IQCH: variants seen among roughly 807,000 people sequenced by gnomAD.
IQCH encodes IQ motif containing H.
In IQCH, 98 loss-of-function variants were observed where a neutral mutation model predicts 117.0. That is an observed-to-expected ratio of 0.84 (90% CI 0.71 to 0.99). The LOEUF is 0.99. Among genes scored for constraint, IQCH ranks in the 50% least tolerant of loss-of-function variants. The pLI is 0.00. For missense variants in IQCH, 1,102 were observed against 1,243.8 expected (o/e 0.89, Z 1.72); for synonymous variants, 412 against 448.2 (o/e 0.92, Z 1.02).
Position 67,386,467 on chromosome 15 carries a change from C to G in IQCH, c.1456+1448C>G, listed in dbSNP as rs997008473. Among the ~76,000 whole-genome samples the G allele has an allele frequency of 6.6e-6, 1 of 151,838 alleles. No individual in the cohort carries two copies. The highest frequency in any genetic ancestry group is 2.4e-5 in the African/African-American group (1 of 41,310). ...TAGCAAGGCAATCATAAAAAGTCTT[C>G]AAGAGGAGTAATGAAAGTTTAGAAA... On this transcript the variant is annotated intron_variant, in intron 11 of 20. Coordinates refer to ENST00000335894, the MANE Select transcript of IQCH (RefSeq NM_001031715.3). The surrounding 1 kb of genome is among the most constrained non-coding windows in gnomAD (Gnocchi z 5.0).
At chr15:67,410,405 C>G (rs2081420042) in intron 14 of IQCH, among the ~76,000 whole-genome samples, 1 of 152,226 alleles carries the variant, frequency 6.6e-6, no homozygotes, top group Non-Finnish European at 1.5e-5. Context: ...CATTCTAAGG[C>G]TGGCCATCCT....
In IQCH at chr15:67,346,115, A is replaced by G. The variant is rs116731160; in HGVS notation, c.637+1924A>G. On this transcript the variant is annotated intron_variant, in intron 6 of 20. Coordinates refer to ENST00000335894, the MANE Select transcript of IQCH (RefSeq NM_001031715.3). ...ATGAAAAGAAAGCTGGAATGGCTCT[A>G]TTACTATCAGATGAAGACACATTAA... is the stretch of plus-strand genomic sequence containing the variant. 5.7e-3 allele frequency among the ~76,000 whole-genome samples: 873 copies of G among 152,306 alleles called. 7 individuals carry two copies. The highest frequency in any genetic ancestry group is 0.02 in the African/African-American group (825 of 41,572).
At chr15:67,348,521 TAAC>T (rs1031775860) in intron 6 of IQCH, among the ~76,000 whole-genome samples, 5 of 152,228 alleles carry the variant, frequency 3.3e-5, no homozygotes, top group Middle Eastern at 3.4e-3. Context: ...ACCATTAACA[TAAC>T]AACAAATATT....
chr15:67,477,607 C>A lies in IQCH; in HGVS notation c.2799+1789C>A, dbSNP rs180954562. ...ATTTACCTGAAATTAATTGTTGCATCTGCTACACACAATCCCTTTGGAATT... is the reference window on the plus strand; with the variant it reads ...ATTTACCTGAAATTAATTGTTGCATATGCTACACACAATCCCTTTGGAATT... On this transcript the variant is annotated intron_variant, in intron 18 of 20. Transcript: ENST00000335894. Among the ~76,000 whole-genome samples the A allele has an allele frequency of 9.8e-5, 15 of 152,316 alleles. No homozygotes were observed. In the East Asian group the frequency reaches 2.7e-3, roughly 27 times the overall value.
At chr15:67,293,645 T>C (rs1186991638) in intron 4 of IQCH, among the ~76,000 whole-genome samples, 1 of 151,472 alleles carries the variant, frequency 6.6e-6, no homozygotes, top group Non-Finnish European at 1.5e-5. Context: ...GCAGAACCCA[T>C]GGATATGGAG....
intron 13 of IQCH, among the ~76,000 whole-genome samples, chr15:67,398,285 A>G (rs1325710584): frequency 3.3e-5 from 5 of 152,190 alleles, no homozygotes; most frequent in Admixed American, 3.3e-4. Flanking sequence ...CTACTTCTGC[A>G]AAGTGTGATC....
At chr15:67,449,032 G>T (rs1233438265) in intron 16 of IQCH, among the ~76,000 whole-genome samples, 2 of 150,290 alleles carry the variant, frequency 1.3e-5, no homozygotes, top group African/African-American at 4.9e-5. Context: ...CTTTTGAGAA[G>T]TGTCTGTTCA....
rs1275689097 is a variant in IQCH at position 67,454,098 on chromosome 15, G to A, written c.2506-11029G>A. On this transcript the variant is annotated intron_variant, in intron 16 of 20. Transcript: ENST00000335894. The surrounding 1 kb of genome is among the most constrained non-coding windows in gnomAD (Gnocchi z 5.2). ...TTGGAAAAGCGCAGTATTAGGGTGGGAGTGACCCGATTTTCCAGGTGCCAT... is the reference window on the plus strand; with the variant it reads ...TTGGAAAAGCGCAGTATTAGGGTGGAAGTGACCCGATTTTCCAGGTGCCAT... Among the ~76,000 whole-genome samples the A allele has an allele frequency of 2.0e-5, 3 of 152,202 alleles. No individual in the cohort carries two copies. Among genetic ancestry groups the A allele is most frequent in the Non-Finnish European group, 4.4e-5 (3 of 68,032 alleles).
Position 67,401,881 on chromosome 15 carries a change from A to AT in IQCH, c.2097+1584dup, listed in dbSNP as rs956624507. ...CTGGATTTTATTTCGTATTGTATAGATTTTTTTTAAAGCAACACTGTTAAG... is the reference window on the plus strand; with the variant it reads ...CTGGATTTTATTTCGTATTGTATAGATTTTTTTTTAAAGCAACACTGTTAAG... On this transcript the variant is annotated intron_variant, in intron 14 of 20. Transcript: ENST00000335894. The surrounding 1 kb of genome is among the most constrained non-coding windows in gnomAD (Gnocchi z 4.7). 8.5e-5 allele frequency among the ~76,000 whole-genome samples: 13 copies of AT among 152,094 alleles called. No individual in the cohort carries two copies. The highest frequency in any genetic ancestry group is 7.7e-4 in the East Asian group (4 of 5,202).
intron 16 of IQCH, among the ~76,000 whole-genome samples, chr15:67,452,203 T>G (rs935677492): frequency 1.5e-4 from 23 of 152,242 alleles, no homozygotes; most frequent in Non-Finnish European, 2.4e-4. Flanking sequence ...GTCTTTTAAT[T>G]GGAGCATTTA....
intron 3 of IQCH, among the ~76,000 whole-genome samples, chr15:67,275,459 A>C (rs2140463504): frequency 6.6e-6 from 1 of 151,912 alleles, no homozygotes; most frequent in South Asian, 2.1e-4. Flanking sequence ...TCAGTAATGT[A>C]TGTTTGTTTT....
chr15:67,385,569 A>G lies in IQCH; in HGVS notation c.1456+550A>G, dbSNP rs561697943. Among the ~76,000 whole-genome samples, 1 of 152,318 alleles carries G rather than the reference A, an allele frequency of 6.6e-6. No homozygotes were observed. The highest frequency in any genetic ancestry group is 2.1e-4 in the South Asian group (1 of 4,828). Reference sequence around the variant, plus strand: ...CAGACCTTGATTCAGTGATGTATACATCTTTGTAAAAGTCAGGTTCTGATA... The same window carrying G: ...CAGACCTTGATTCAGTGATGTATACGTCTTTGTAAAAGTCAGGTTCTGATA... On this transcript the variant is annotated intron_variant, in intron 11 of 20. Transcript: ENST00000335894. The surrounding 1 kb of genome is among the most constrained non-coding windows in gnomAD (Gnocchi z 4.6).
chr15:67,320,575 A>C (rs1000234109), intron 4 of IQCH, among the ~76,000 whole-genome samples: 2 of 152,210 alleles, frequency 1.3e-5, no homozygotes, highest in African/African-American at 4.8e-5. Context: ...GCAACAAAGA[A>C]TCATTACATT....
At chr15:67,316,067 C>T (rs1386085984) in intron 4 of IQCH, among the ~76,000 whole-genome samples, 2 of 152,144 alleles carry the variant, frequency 1.3e-5, no homozygotes, top group South Asian at 2.1e-4. Context: ...GGCCCAGATA[C>T]GTCTAATGGT....
At chr15:67,281,036 G>GCT (rs1225357415) in intron 4 of IQCH, among the ~76,000 whole-genome samples, 1 of 152,032 alleles carries the variant, frequency 6.6e-6, no homozygotes, top group Non-Finnish European at 1.5e-5. Context: ...AGTAGAGATG[G>GCT]GGTTTCACCA....
intron 4 of IQCH, among the ~76,000 whole-genome samples, chr15:67,291,140 A>G (rs917620130): frequency 3.3e-5 from 5 of 152,178 alleles, no homozygotes; most frequent in Admixed American, 3.3e-4. Context: ...ATTCTAGACA[A>G]TACCTATTGT....
chr15:67,300,705 C>G (rs1466210888), intron 4 of IQCH, among the ~76,000 whole-genome samples: 3 of 152,164 alleles, frequency 2.0e-5, no homozygotes, highest in Admixed American at 6.6e-5. Context: ...TGTGTGGGAT[C>G]TACTGCTCAG....
chr15:67,488,235 C>T (rs1033642984), intron 18 of IQCH, among the ~76,000 whole-genome samples: 2 of 152,160 alleles, frequency 1.3e-5, no homozygotes. Context: ...GGAGGATCAC[C>T]TGAACTTGGG....
intron 14 of IQCH, among the ~76,000 whole-genome samples, chr15:67,410,884 C>T (rs2081432476): frequency 6.6e-6 from 1 of 152,158 alleles, no homozygotes; most frequent in Non-Finnish European, 1.5e-5. Flanking sequence ...CAGTTACCAG[C>T]ACAGATTCCA....
Sources: allele counts gnomAD v4.1 joint callset (sites outside exome capture counted in the v4.1 genomes callset), GRCh38; gene constraint gnomAD v4.1.1; non-coding constraint Gnocchi (gnomAD v3.1); transcripts MANE v1.5; gene names NCBI Gene and HGNC (gene_info 2026-07-23, HGNC 2026-07-21).